Variants in MYT1L observed in about 807,000 individuals in gnomAD.
MYT1L encodes myelin transcription factor 1 like.
Under a neutral mutation model 126.7 loss-of-function variants are expected in MYT1L, and 12 were observed. The ratio of observed to expected loss-of-function variants is 0.09; its 90% confidence interval spans 0.06 to 0.15. MYT1L has a LOEUF of 0.15. MYT1L is among the 10% of genes least tolerant of loss of function. The pLI is 1.00. For missense variants in MYT1L, 979 were observed against 1,585.2 expected (o/e 0.62, Z 6.49); for synonymous variants, 541 against 604.2 (o/e 0.90, Z 1.53).
Position 1,839,171 on chromosome 2 carries a change from C to T in MYT1L, c.3058G>A (p.Gly1020Ser). ...PGCDGSGHVS[G>S]SFLTHRSLSG... ...CACCTGCGGTGTGTGAGGAAGCTGC[C>T]GCTGACGTGGCCTGAGCCGTCGCAT... The change falls in exon 21 of 25, where the codon GGC (glycine) becomes AGC (serine). Residue 1020 changes from glycine (G) to serine (S), a missense_variant. Gly to Ser is a moderately conservative substitution (Grantham distance 56, BLOSUM62 0). Transcript: ENST00000647738. 1.9e-6 allele frequency: 3 copies of T among 1,612,778 alleles called. No individual in the cohort carries two copies. Among genetic ancestry groups the T allele is most frequent in the Non-Finnish European group, 2.5e-6 (3 of 1,179,712 alleles).
intron 8 of MYT1L, among the ~76,000 whole-genome samples, chr2:1,961,229 C>G (rs34692924): frequency 1.3e-5 from 2 of 152,116 alleles, no homozygotes; most frequent in Non-Finnish European, 2.9e-5. Flanking sequence ...ACGCAGGTGA[C>G]GGTTACACTA....
At chr2:2,323,993 C>G (rs573829396) in intron 1 of MYT1L, 1 of 152,322 alleles carries the variant, frequency 6.6e-6, no homozygotes, top group Admixed American at 6.5e-5. Flanking sequence ...AAACAGTCAT[C>G]TCTAAACAGT....
intron 2 of MYT1L, among the ~76,000 whole-genome samples, chr2:2,231,448 A>G (rs1236945793): frequency 6.6e-6 from 1 of 151,770 alleles, no homozygotes; most frequent in Non-Finnish European, 1.5e-5. Context: ...TTAATTTTTT[A>G]TTTTTTTGAG....
intron 1 of MYT1L, among the ~76,000 whole-genome samples, chr2:2,314,834 G>T (rs2096037818): frequency 6.6e-6 from 1 of 152,126 alleles, no homozygotes; most frequent in Admixed American, 6.6e-5. Flanking sequence ...CAGACACATA[G>T]AGCAATGGAA....
chr2:1,828,370 A>G (rs992466192), intron 21 of MYT1L: 3 of 152,126 alleles, frequency 2.0e-5, no homozygotes, highest in African/African-American at 7.2e-5. Flanking sequence ...GTTAGGTGAC[A>G]CTGTGGGGTG....
At position 2,070,335 on chromosome 2, in the gene MYT1L, C is replaced by A. The variant is rs544420363; in HGVS notation, c.-303-16212G>T. Among the ~76,000 whole-genome samples the A allele has an allele frequency of 3.3e-5, 5 of 152,320 alleles. No homozygotes were observed. In the South Asian group the frequency reaches 1.0e-3, roughly 32 times the overall value. On this transcript the variant is annotated intron_variant, in intron 3 of 24. Coordinates refer to ENST00000647738, the MANE Select transcript of MYT1L (RefSeq NM_001303052.2). ...TCTATCCATCCAACTGTCTAACCTGCGTTGCGACACCACCTCTCACCCCAC... is the reference window on the plus strand; with the variant it reads ...TCTATCCATCCAACTGTCTAACCTGAGTTGCGACACCACCTCTCACCCCAC...
At chr2:2,191,050 G>T (rs964400536) in intron 2 of MYT1L, among the ~76,000 whole-genome samples, 6 of 152,212 alleles carry the variant, frequency 3.9e-5, no homozygotes, top group African/African-American at 1.4e-4. Context: ...CTCCCAAAGT[G>T]CTGGGATTAC....
At chr2:2,204,915 T>C (rs1361747103) in intron 2 of MYT1L, among the ~76,000 whole-genome samples, 1 of 151,596 alleles carries the variant, frequency 6.6e-6, no homozygotes, top group African/African-American at 2.4e-5. Flanking sequence ...ATATACACCA[T>C]GGAATACTAT....
chr2:2,001,580 C>T (rs2062402607), intron 4 of MYT1L, among the ~76,000 whole-genome samples: 1 of 152,148 alleles, frequency 6.6e-6, no homozygotes, highest in African/African-American at 2.4e-5. Context: ...GTCCCTGTTC[C>T]TCACAACTGT....
chr2:1,817,398 C>G (rs868811003), intron 21 of MYT1L, among the ~76,000 whole-genome samples: 20 of 152,216 alleles, frequency 1.3e-4, no homozygotes, highest in African/African-American at 4.6e-4. Context: ...CGGCTTTGCC[C>G]ACAGTCTCAC....
At chr2:1,854,086 T>C (rs1476566862) in intron 18 of MYT1L, among the ~76,000 whole-genome samples, 1 of 152,164 alleles carries the variant, frequency 6.6e-6, no homozygotes, top group Non-Finnish European at 1.5e-5. Context: ...CCAATTTATA[T>C]CTTAAAAATC....
chr2:2,012,434 T>A (rs1334436738), intron 4 of MYT1L, among the ~76,000 whole-genome samples: 1 of 152,040 alleles, frequency 6.6e-6, no homozygotes, highest in Non-Finnish European at 1.5e-5. Context: ...AGGCAGAAGG[T>A]AGATTAGTGG....
rs555337142 is a variant in MYT1L at position 2,283,077 on chromosome 2, C to A, written c.-421+1327G>T. ...GTGACAGAGCCAGACTCCATCCCCC[C>A]CAACACAAAAAGTAGTTCTTCATAC... is the stretch of plus-strand genomic sequence containing the variant. On this transcript the variant is annotated intron_variant, in intron 2 of 24. Transcript: ENST00000647738. 4.3e-4 allele frequency among the ~76,000 whole-genome samples: 66 copies of A among 152,158 alleles called. No homozygotes were observed. In the South Asian group the frequency reaches 9.1e-3, roughly 21 times the overall value.
At chr2:2,090,512 T>C (rs550567646) in intron 3 of MYT1L, among the ~76,000 whole-genome samples, 8 of 152,350 alleles carry the variant, frequency 5.3e-5, no homozygotes, top group Non-Finnish European at 1.2e-4. Context: ...TCTTTGCTGG[T>C]GGAGGGTTTT....
chr2:2,283,806 C>T (rs1420420470), intron 2 of MYT1L, among the ~76,000 whole-genome samples: 1 of 152,230 alleles, frequency 6.6e-6, no homozygotes, highest in African/African-American at 2.4e-5. Context: ...AAGGAAACTA[C>T]AGCCTCAAAA....
At chr2:2,217,135 A>G (rs74590522) in intron 2 of MYT1L, among the ~76,000 whole-genome samples, 6,547 of 152,292 alleles carry the variant, frequency 0.043, 216 homozygotes, top group South Asian at 0.13. Context: ...GAAAATTTAA[A>G]AGAAAGAAAT....
intron 2 of MYT1L, among the ~76,000 whole-genome samples, chr2:2,197,543 A>G (rs1280108863): frequency 6.6e-6 from 1 of 151,898 alleles, no homozygotes; most frequent in Non-Finnish European, 1.5e-5. Flanking sequence ...ATATACACCC[A>G]TATATACATA....
intron 3 of MYT1L, among the ~76,000 whole-genome samples, chr2:2,126,270 A>C (rs1229220837): frequency 6.6e-6 from 1 of 152,242 alleles, no homozygotes; most frequent in Non-Finnish European, 1.5e-5. Flanking sequence ...CTCAATAAAC[A>C]ATGATCCTCA....
intron 19 of MYT1L, among the ~76,000 whole-genome samples, chr2:1,851,395 C>T (rs1301392049): frequency 1.3e-5 from 2 of 152,132 alleles, no homozygotes; most frequent in African/African-American, 4.8e-5. Context: ...GAATGTTTCT[C>T]AGTGGGGCCA....
Sources: allele counts gnomAD v4.1 joint callset (sites outside exome capture counted in the v4.1 genomes callset), GRCh38; gene constraint gnomAD v4.1.1; transcripts MANE v1.5; gene names NCBI Gene and HGNC (gene_info 2026-07-23, HGNC 2026-07-21).